The following PTPRR variants were observed in gnomAD, a reference collection of about 807,000 sequenced individuals.
The protein encoded by PTPRR is receptor-type tyrosine-protein phosphatase R.
Under a neutral mutation model 77.2 loss-of-function variants are expected in PTPRR, and 38 were observed. The ratio of observed to expected loss-of-function variants is 0.49; its 90% CI spans 0.38 to 0.65. The LOEUF (loss-of-function observed/expected upper bound fraction) is 0.65, where lower values mean the gene tolerates loss of function less well. Among genes scored for constraint, PTPRR ranks in the 30% least tolerant of loss-of-function variants. PTPRR has a pLI of 0.00. For missense variants in PTPRR, 744 were observed against 799.2 expected, an observed-to-expected ratio of 0.93 and a Z score of 0.83; for synonymous variants, 299 against 283.1, an observed-to-expected ratio of 1.06 and a Z score of -0.57.
intron 6 of PTPRR, 64 bp from the exon 7 acceptor site, chr12:70,701,387 T>C (rs1888420121): frequency 7.0e-7 from 1 of 1,424,760 alleles, no homozygotes; most frequent in African/African-American, 1.4e-5. Context: ...AAAACTTGTC[T>C]TTCTGTACAT....
intron 6 of PTPRR, among the ~76,000 whole-genome samples, chr12:70,743,413 G>A (rs1334955843): frequency 7.9e-5 from 12 of 152,158 alleles, no homozygotes; most frequent in Non-Finnish European, 1.5e-4. Flanking sequence ...ACATGTATTT[G>A]AGAAAGGAAG....
At chr12:70,760,334 C>T (rs934324395) in intron 4 of PTPRR, among the ~76,000 whole-genome samples, 2 of 152,178 alleles carry the variant, frequency 1.3e-5, no homozygotes, top group Non-Finnish European at 2.9e-5. Context: ...GGGATACAAA[C>T]TCCATCTGGG....
intron 2 of PTPRR, among the ~76,000 whole-genome samples, chr12:70,802,521 A>C (rs1295758718): frequency 6.6e-6 from 1 of 152,230 alleles, no homozygotes; most frequent in East Asian, 1.9e-4. Context: ...ATGTACTGTT[A>C]CACTTTTTGC....
At chr12:70,733,373 T>A (rs1428918354) in intron 6 of PTPRR, among the ~76,000 whole-genome samples, 1 of 141,500 alleles carries the variant, frequency 7.1e-6, no homozygotes, top group Admixed American at 7.4e-5. Context: ...AAAAAGATTA[T>A]GCCTTACCCG....
chr12:70,657,652 GTTCAATGTATCTAAA>G (rs1302078263), intron 12 of PTPRR, among the ~76,000 whole-genome samples: 1 of 152,124 alleles, frequency 6.6e-6, no homozygotes, highest in Non-Finnish European at 1.5e-5. Context: ...ACTTGCTTCA[GTTCAATGTATCTAAA>G]TTCAATGTAT....
At chr12:70,892,623 T>C in intron 2 of PTPRR, 56 bp downstream of exon 2, 1 of 1,581,402 alleles carries the variant, frequency 6.3e-7, no homozygotes, top group Non-Finnish European at 8.6e-7. Flanking sequence ...TTTTCAAGCA[T>C]CAATGACAGG....
chr12:70,834,084 G>A (rs575213654), intron 2 of PTPRR, among the ~76,000 whole-genome samples: 7 of 152,200 alleles, frequency 4.6e-5, no homozygotes, highest in Admixed American at 1.3e-4. Flanking sequence ...TGAAAATATC[G>A]CTTAGCACTG....
chr12:70,854,805 T>A (rs1892625733), intron 2 of PTPRR, among the ~76,000 whole-genome samples: 1 of 152,140 alleles, frequency 6.6e-6, no homozygotes. Context: ...CTAGGAAGAG[T>A]TGTTTACCTG....
chr12:70,784,827 A>G lies in PTPRR; in HGVS notation c.358-20049T>C, dbSNP rs567001316. 4.2e-4 allele frequency among the ~76,000 whole-genome samples: 64 copies of G among 152,230 alleles called. 1 individual carries two copies. The highest frequency in any genetic ancestry group is 4.1e-4 in the Non-Finnish European group (28 of 68,044). On this transcript the variant is annotated intron_variant, in intron 2 of 13. Coordinates refer to ENST00000283228, the MANE Select transcript of PTPRR (RefSeq NM_002849.4). ...TGTTGATGAAATGAAGGTCTTGAAC[A>G]TAGTAACCAGGATAGTAATAATATC...
In PTPRR at chr12:70,885,853, C is replaced by T. The variant is rs147767759; in HGVS notation, c.357+6826G>A. On this transcript the variant is annotated intron_variant, in intron 2 of 13. Transcript: ENST00000283228. Reference sequence around the variant, plus strand: ...GCTGGTTATGGATGGTTTTTATTTCCGCTTTTCCTTATCTAAACTTTCTAA... The same window carrying T: ...GCTGGTTATGGATGGTTTTTATTTCTGCTTTTCCTTATCTAAACTTTCTAA... Among the ~76,000 whole-genome samples the T allele has an allele frequency of 7.2e-4, 109 of 152,118 alleles. 1 individual carries two copies. The highest frequency in any genetic ancestry group is 2.4e-3 in the African/African-American group (101 of 41,520).
chr12:70,803,536 G>T (rs1455142288), intron 2 of PTPRR, among the ~76,000 whole-genome samples: 1 of 152,166 alleles, frequency 6.6e-6, no homozygotes, highest in Non-Finnish European at 1.5e-5. Flanking sequence ...TCAGTTGGAA[G>T]ATCTCACAGG....
chr12:70,774,649 C>T (rs1213708047), intron 2 of PTPRR, among the ~76,000 whole-genome samples: 1 of 152,042 alleles, frequency 6.6e-6, no homozygotes, highest in East Asian at 1.9e-4. Flanking sequence ...AGAGCATGCA[C>T]AGATTTCTGA....
At chr12:70,672,810 A>G (rs1159659253) in intron 10 of PTPRR, 2 of 1,565,248 alleles carry the variant, frequency 1.3e-6, no homozygotes, top group East Asian at 2.5e-5. Flanking sequence ...AGGGAGATGA[A>G]GTCCAGTGTG....
At chr12:70,876,466 A>T (rs531472336) in intron 2 of PTPRR, among the ~76,000 whole-genome samples, 35 of 152,294 alleles carry the variant, frequency 2.3e-4, no homozygotes, top group Middle Eastern at 3.4e-3. Flanking sequence ...TTATGCAGCT[A>T]TTTAGAAGAA....
At chr12:70,854,913 T>C (rs548264772) in intron 2 of PTPRR, among the ~76,000 whole-genome samples, 20 of 152,298 alleles carry the variant, frequency 1.3e-4, no homozygotes, top group African/African-American at 4.6e-4. Context: ...TTAGCTGCTA[T>C]TTTTACCCAA....
intron 2 of PTPRR, among the ~76,000 whole-genome samples, chr12:70,890,360 T>G (rs566261041): frequency 6.6e-6 from 1 of 152,262 alleles, no homozygotes; most frequent in African/African-American, 2.4e-5. Flanking sequence ...AGGGAAAAAA[T>G]TCATTTGTGG....
chr12:70,891,120 A>G lies in PTPRR; in HGVS notation c.357+1559T>C, dbSNP rs77494526. 5.2e-3 allele frequency among the ~76,000 whole-genome samples: 792 copies of G among 152,200 alleles called. 5 individuals are homozygous for G. Among genetic ancestry groups the G allele is most frequent in the African/African-American group, 0.016 (668 of 41,536 alleles). On this transcript the variant is annotated intron_variant, in intron 2 of 13. Coordinates refer to ENST00000283228, the MANE Select transcript of PTPRR (RefSeq NM_002849.4). Reference sequence around the variant, plus strand: ...TGCAGCAAAATTGCCTATTGCCTCTATGTAATCATCACCCCAAAGGAAAAG... The same window carrying G: ...TGCAGCAAAATTGCCTATTGCCTCTGTGTAATCATCACCCCAAAGGAAAAG...
At chr12:70,754,519 G>A in intron 4 of PTPRR, 1 of 1,581,126 alleles carries the variant, frequency 6.3e-7, no homozygotes, top group Non-Finnish European at 8.5e-7. Flanking sequence ...GAGCAAGCGT[G>A]CCTGACATGG....
rs182955429 is a variant in PTPRR at position 70,860,425 on chromosome 12, A to G, written c.357+32254T>C. 2.2e-3 allele frequency among the ~76,000 whole-genome samples: 335 copies of G among 152,276 alleles called. 1 individual carries two copies. The highest frequency in any genetic ancestry group is 7.7e-3 in the African/African-American group (319 of 41,552). The stretch of plus-strand genomic sequence containing the variant: ...CAATTAAGGATAGCCCAAAAGGCCC[A>G]TGGACATTTCAGAAATTATACAGGT... On this transcript the variant is annotated intron_variant, in intron 2 of 13. Transcript: ENST00000283228.
Sources: allele counts gnomAD v4.1 joint callset (sites outside exome capture counted in the v4.1 genomes callset), GRCh38; gene constraint gnomAD v4.1.1; transcripts MANE v1.5; gene names NCBI Gene and HGNC (gene_info 2026-07-23, HGNC 2026-07-21).